CPSF6: variants seen among roughly 807,000 people sequenced by gnomAD.
CPSF6 encodes the protein cleavage and polyadenylation specific factor 6.
In CPSF6, 10 loss-of-function variants were observed where a neutral mutation model predicts 56.7. That is an observed-to-expected ratio of 0.18 (90% confidence interval 0.11 to 0.30). CPSF6 has a LOEUF of 0.30. Among genes scored for constraint, CPSF6 ranks in the 10% least tolerant of loss-of-function variants. The probability of loss-of-function intolerance (pLI) is 1.00; values close to 1 mark genes in which losing one functional copy is unlikely to be tolerated. For missense variants in CPSF6, 419 were observed against 722.9 expected (o/e 0.58, Z 4.82); for synonymous variants, 248 against 244.8 (o/e 1.01, Z -0.12).
intron 1 of CPSF6, among the ~76,000 whole-genome samples, chr12:69,249,196 A>G (rs977257868): frequency 3.4e-4 from 41 of 122,040 alleles, no homozygotes; most frequent in Non-Finnish European, 5.4e-4. Flanking sequence ...GCGTGAACCC[A>G]GGAGGCGGAG....
chr12:69,263,624 C>A (rs375578168), intron 9 of CPSF6, among the ~76,000 whole-genome samples: 13 of 151,952 alleles, frequency 8.6e-5, no homozygotes, highest in African/African-American at 2.9e-4. Context: ...GGGAAACTTA[C>A]TGAAAATTCA....
intron 1 of CPSF6, 108 bp downstream of exon 1, chr12:69,239,814 C>A (rs1323880937): frequency 1.1e-5 from 11 of 1,035,336 alleles, no homozygotes; most frequent in Non-Finnish European, 1.4e-5. Flanking sequence ...GAGTGTGCGC[C>A]CTTGCCGCCT....
intron 1 of CPSF6, among the ~76,000 whole-genome samples, chr12:69,249,152 C>CGGT (rs1491257320): frequency 0.012 from 194 of 16,600 alleles, 67 homozygotes; most frequent in African/African-American, 0.022. Flanking sequence ...CCCAGCTACT[C>CGGT]GGGGGGGGGG....
Position 69,257,685 on chromosome 12 carries a change from A to G in CPSF6, c.521-47A>G, listed in dbSNP as rs759688815. The G allele has an allele frequency of 5.2e-6, 8 of 1,546,996 alleles. No homozygotes were observed. The Admixed American group carries it at 1.7e-4, about 33-fold the overall frequency. ...TTAATAATAGTGGTTACATTTCAGA[A>G]AACTATTTTTAATAAGTGCTATTTA... On this transcript the variant is annotated intron_variant, in intron 4 of 9. Transcript: ENST00000435070.
At chr12:69,247,058 C>T (rs1264716829) in intron 1 of CPSF6, among the ~76,000 whole-genome samples, 1 of 151,860 alleles carries the variant, frequency 6.6e-6, no homozygotes, top group East Asian at 1.9e-4. Context: ...AAGTTCATCC[C>T]AATAGTGGTA....
chr12:69,264,549 A>G (rs976463329), intron 9 of CPSF6, among the ~76,000 whole-genome samples: 13 of 152,134 alleles, frequency 8.5e-5, no homozygotes, highest in Non-Finnish European at 1.0e-4. Flanking sequence ...TGTGCAAACT[A>G]TTGTTGACAT....
intron 1 of CPSF6, among the ~76,000 whole-genome samples, chr12:69,248,790 C>T (rs1872048473): frequency 6.6e-6 from 1 of 152,064 alleles, no homozygotes; most frequent in Middle Eastern, 3.2e-3. Flanking sequence ...TATAGACATT[C>T]TACCTCGTAA....
In CPSF6 at chr12:69,251,226, T is replaced by C. The variant is rs759412371; in HGVS notation, c.158T>C (p.Met53Thr). Residue 53 changes from methionine to threonine, a missense_variant, in exon 2 of 10, where the codon ATG becomes ACG. Met to Thr is a moderately conservative substitution (Grantham distance 81). Transcript: ENST00000435070. Reference sequence around the variant, plus strand: ...GATGCCCCAGAAGACCGAGATTACATGGATACTCTCCCACCAACTGTTGGT... The same window carrying C: ...GATGCCCCAGAAGACCGAGATTACACGGATACTCTCCCACCAACTGTTGGT... ...NGDAPEDRDYMDTLPPTVGDD... is the reference protein window; with the variant it reads ...NGDAPEDRDYTDTLPPTVGDD... 1 of 1,613,280 alleles carries C rather than the reference T, an allele frequency of 6.2e-7. No homozygotes were observed. The highest frequency in any genetic ancestry group is 1.1e-5 in the South Asian group (1 of 91,018).
chr12:69,253,005 T>C (rs758574066), intron 2 of CPSF6, 46 bp from the exon 3 acceptor site: 43 of 1,093,706 alleles, frequency 3.9e-5, no homozygotes, highest in Non-Finnish European at 5.1e-5. Context: ...ATAATAAAAA[T>C]CTTGGTTTTA....
chr12:69,262,174 TTAATGTTTTTAATAGTGAA>T (rs909827174), intron 8 of CPSF6, among the ~76,000 whole-genome samples, 180 bp from the exon 9 acceptor site: 27 of 152,252 alleles, frequency 1.8e-4, no homozygotes, highest in African/African-American at 6.5e-4. Flanking sequence ...GATTTTTTTG[TTAATGTTTTTAATAGTGAA>T]ATTTCTGGTT....
At position 69,258,255 on chromosome 12, in the gene CPSF6, T is replaced by A. The variant is rs1331909021; in HGVS notation, c.695-335T>A. On this transcript the variant is annotated intron_variant, in intron 5 of 9. Transcript: ENST00000435070. The surrounding 1 kb of genome is among the most constrained non-coding windows in gnomAD (Gnocchi z 4.2). ...TCAAGATCATTTTTCCTTGTTTCAC[T>A]TTCTAGCTTGGCATCAGAGTAGAAT... 5.6e-6 allele frequency: 4 copies of A among 716,658 alleles called. No homozygotes were observed. The highest frequency in any genetic ancestry group is 3.4e-4 in the Middle Eastern group (1 of 2,924). The allele number at this position is 716,658 out of a possible 1,614,324, so 44.4% of individuals were successfully genotyped here. A position where few individuals can be genotyped will look rare whatever the true frequency, so the allele number is the denominator to read the frequency against.
intron 1 of CPSF6, among the ~76,000 whole-genome samples, chr12:69,250,384 T>A (rs1341016050): frequency 6.6e-6 from 1 of 151,918 alleles, no homozygotes; most frequent in Non-Finnish European, 1.5e-5. Context: ...TTCATGTTAC[T>A]TATTTTGTTT....
In CPSF6 at chr12:69,245,096, T is replaced by TA. The variant is rs11317829; in HGVS notation, c.60+5408dup. Among the ~76,000 whole-genome samples the TA allele has an allele frequency of 3.2e-3, 440 of 138,056 alleles. 1 individual carries two copies. Among genetic ancestry groups the TA allele is most frequent in the Middle Eastern group, 3.8e-3 (1 of 260 alleles). The allele number at this position is 138,056 out of a possible 152,430, so 90.6% of individuals were successfully genotyped here. A position where few individuals can be genotyped will look rare whatever the true frequency, so the allele number is the denominator to read the frequency against. On this transcript the variant is annotated intron_variant, in intron 1 of 9. Transcript: ENST00000435070. ...AACATGTCGAAACTCCGTCTCTATT[T>TA]AAAAAAAAAAAAAAAAAAGTGTAAA...
rs1170949684 is a variant in CPSF6 at position 69,258,101 on chromosome 12, A to C, written c.694+196A>C. The C allele has an allele frequency of 6.5e-7, 1 of 1,536,360 alleles. No homozygotes were observed. Among genetic ancestry groups the C allele is most frequent in the African/African-American group, 1.4e-5 (1 of 73,028 alleles). On this transcript the variant is annotated intron_variant, in intron 5 of 9. Coordinates refer to ENST00000435070, the MANE Select transcript of CPSF6 (RefSeq NM_007007.3). The surrounding 1 kb of genome is among the most constrained non-coding windows in gnomAD (Gnocchi z 4.2). Reference sequence around the variant, plus strand: ...TTCCTGGAAACTAGGATTCCATGGCATATGGGGCACAGCATAGAGGAAATA... The same window carrying C: ...TTCCTGGAAACTAGGATTCCATGGCCTATGGGGCACAGCATAGAGGAAATA...
intron 8 of CPSF6, among the ~76,000 whole-genome samples, chr12:69,261,798 T>C (rs1469981257): frequency 6.6e-6 from 1 of 152,200 alleles, no homozygotes; most frequent in Admixed American, 6.5e-5. Flanking sequence ...TTTCTACTTA[T>C]TAAATACAAT....
At chr12:69,259,245 T>C (rs1259594519) in intron 6 of CPSF6, 151 bp downstream of exon 6, 1 of 1,226,328 alleles carries the variant, frequency 8.2e-7, no homozygotes, top group East Asian at 2.6e-5. Context: ...TGAAAGATAC[T>C]GGTATAGGAG....
In CPSF6 at chr12:69,257,754, T is replaced by G. The variant is rs1288258885; in HGVS notation, c.543T>G (p.Ser181=). The change falls in exon 5 of 10, where the codon TCT becomes TCG. Residue 181 remains serine (S), a synonymous_variant. Coordinates refer to ENST00000435070, the MANE Select transcript of CPSF6 (RefSeq NM_007007.3). ...CAGCTACACAATCAGGACAAATGTC[T>G]GGGGAAGGTAAAGCTGGTCCTCCAG... is the stretch of plus-strand genomic sequence containing the variant. ...SRKTTQSGQM[S]GEGKAGPPGG... 4.3e-6 allele frequency: 7 copies of G among 1,612,108 alleles called. 1 individual carries two copies. In the East Asian group the frequency reaches 1.6e-4, roughly 36 times the overall value.
Position 69,269,552 on chromosome 12 carries a change from A to G in CPSF6, c.*44A>G, listed in dbSNP as rs770079953. 1.5e-5 allele frequency: 7 copies of G among 451,858 alleles called. No homozygotes were observed. The highest frequency in any genetic ancestry group is 7.9e-5 in the South Asian group (5 of 63,598). The allele number at this position is 451,858 out of a possible 1,614,324, so 28.0% of individuals were successfully genotyped here. The stretch of plus-strand genomic sequence containing the variant: ...CACCTTCCAAGACAAAACAGTCTTC[A>G]TGGGGGAAAAATGACGCTTGTCCAG... On this transcript the variant is annotated 3_prime_UTR_variant, in exon 10 of 10. Coordinates refer to ENST00000435070, the MANE Select transcript of CPSF6 (RefSeq NM_007007.3).
chr12:69,253,226 A>AAG, intron 3 of CPSF6, 72 bp downstream of exon 3: 4 of 788,628 alleles, frequency 5.1e-6, no homozygotes, highest in Non-Finnish European at 8.4e-6. Flanking sequence ...CTTTCCTTTA[A>AAG]GTTAATGTTA....
Sources: allele counts gnomAD v4.1 joint callset (sites outside exome capture counted in the v4.1 genomes callset), GRCh38; gene constraint gnomAD v4.1.1; non-coding constraint Gnocchi (gnomAD v3.1); transcripts MANE v1.5; gene names NCBI Gene and HGNC (gene_info 2026-07-23, HGNC 2026-07-21).